Variants in LRMDA observed in about 807,000 individuals in gnomAD.
The protein encoded by LRMDA is leucine rich melanocyte differentiation associated.
In LRMDA, 18 loss-of-function variants were observed where a neutral mutation model predicts 29.8. The observed-to-expected ratio is 0.60, with a 90% CI of 0.42 to 0.90. LRMDA has a LOEUF of 0.90. Among genes scored for constraint, LRMDA ranks in the 40% least tolerant of loss-of-function variants. LRMDA has a pLI of 0.00. For synonymous variants in LRMDA, 125 were observed against 109.4 expected, an observed-to-expected ratio of 1.14 and a Z score of -0.89; for missense variants, 273 against 273.9, an observed-to-expected ratio of 1.00 and a Z score of 0.02.
chr10:76,393,599 C>A (rs1356152510), intron 6 of LRMDA, among the ~76,000 whole-genome samples: 19 of 152,042 alleles, frequency 1.2e-4, no homozygotes, highest in Admixed American at 1.2e-3. Context: ...TATTTTCTCC[C>A]ATTCTGTAGG....
At chr10:75,519,848 T>C (rs1349257559) in intron 2 of LRMDA, among the ~76,000 whole-genome samples, 1 of 152,242 alleles carries the variant, frequency 6.6e-6, no homozygotes, top group African/African-American at 2.4e-5. Flanking sequence ...TAGTGCTTCC[T>C]TCAGGAGCTC....
chr10:75,589,208 G>T (rs1840691486), intron 2 of LRMDA, among the ~76,000 whole-genome samples: 1 of 152,148 alleles, frequency 6.6e-6, no homozygotes, highest in East Asian at 1.9e-4. Context: ...GAACTAATTT[G>T]TACTCTCACC....
At chr10:76,478,040 A>C (rs1348915590) in intron 6 of LRMDA, among the ~76,000 whole-genome samples, 6 of 152,206 alleles carry the variant, frequency 3.9e-5, no homozygotes, top group Non-Finnish European at 7.3e-5. Context: ...ACAAAAGCCA[A>C]AATTGAGAAA....
intron 2 of LRMDA, among the ~76,000 whole-genome samples, chr10:75,827,428 C>G (rs1002155433): frequency 6.6e-6 from 1 of 152,162 alleles, no homozygotes; most frequent in Non-Finnish European, 1.5e-5. Flanking sequence ...AATTGCCATC[C>G]TCTGTTTGTA....
chr10:76,168,657 G>A (rs1251638597), intron 5 of LRMDA, among the ~76,000 whole-genome samples: 1 of 151,774 alleles, frequency 6.6e-6, no homozygotes, highest in Non-Finnish European at 1.5e-5. Context: ...GAAACTGTAT[G>A]ATGAGTAGAT....
intron 2 of LRMDA, among the ~76,000 whole-genome samples, chr10:75,625,962 C>G (rs920008226): frequency 6.6e-6 from 1 of 151,984 alleles, no homozygotes; most frequent in African/African-American, 2.4e-5. Context: ...AGTGATCCTC[C>G]TGCCTCAGCC....
chr10:76,235,996 T>C (rs1852145390), intron 5 of LRMDA, among the ~76,000 whole-genome samples: 1 of 152,140 alleles, frequency 6.6e-6, no homozygotes, highest in South Asian at 2.1e-4. Flanking sequence ...GTACATTCTG[T>C]TTGGCGAGCC....
intron 2 of LRMDA, among the ~76,000 whole-genome samples, chr10:75,886,185 T>A (rs894984530): frequency 2.6e-4 from 40 of 152,360 alleles, no homozygotes; most frequent in South Asian, 4.1e-4. Context: ...GTTTCTAGTG[T>A]ATGACTAGGT....
chr10:76,494,778 C>T (rs1159325623), intron 6 of LRMDA, among the ~76,000 whole-genome samples: 1 of 151,514 alleles, frequency 6.6e-6, no homozygotes, highest in African/African-American at 2.4e-5. Context: ...TTGTTGCATC[C>T]CACAATTTTG....
intron 2 of LRMDA, among the ~76,000 whole-genome samples, chr10:75,558,822 A>G (rs1258315355): frequency 3.1e-4 from 45 of 144,138 alleles, no homozygotes; most frequent in African/African-American, 1.1e-3. Flanking sequence ...GAGAATGATG[A>G]TTTCCAATTT....
At chr10:75,596,801 A>G (rs907764544) in intron 2 of LRMDA, among the ~76,000 whole-genome samples, 2 of 152,216 alleles carry the variant, frequency 1.3e-5, no homozygotes, top group African/African-American at 2.4e-5. Context: ...GGGATTCTAT[A>G]TCCTTTAACA....
At chr10:75,481,096 A>T (rs1844851474) in intron 2 of LRMDA, among the ~76,000 whole-genome samples, 1 of 152,126 alleles carries the variant, frequency 6.6e-6, no homozygotes, top group Non-Finnish European at 1.5e-5. Context: ...TCCATGTGGA[A>T]ATGTCCAGGA....
intron 2 of LRMDA, among the ~76,000 whole-genome samples, chr10:75,460,094 A>C (rs1057471579): frequency 6.6e-6 from 1 of 152,224 alleles, no homozygotes; most frequent in African/African-American, 2.4e-5. Context: ...TTTGGGTTTG[A>C]GTGTGCAATA....
At chr10:75,439,142 C>T (rs1389989111) in intron 2 of LRMDA, among the ~76,000 whole-genome samples, 2 of 152,138 alleles carry the variant, frequency 1.3e-5, no homozygotes, top group African/African-American at 4.8e-5. Context: ...GCAGTTATTT[C>T]CTTTCTCCCT....
intron 5 of LRMDA, among the ~76,000 whole-genome samples, chr10:76,233,448 G>A (rs995661142): frequency 1.3e-5 from 2 of 152,196 alleles, no homozygotes; most frequent in Admixed American, 1.3e-4. Context: ...TGTTGCTGAA[G>A]GTTGGGATGG....
chr10:75,976,813 T>G (rs1847079797), intron 2 of LRMDA, among the ~76,000 whole-genome samples: 1 of 152,212 alleles, frequency 6.6e-6, no homozygotes, highest in Non-Finnish European at 1.5e-5. Flanking sequence ...AGAGTCTGGA[T>G]TCAAGGCTCC....
chr10:76,135,222 C>G (rs1850071905), intron 5 of LRMDA, among the ~76,000 whole-genome samples: 1 of 152,182 alleles, frequency 6.6e-6, no homozygotes, highest in Admixed American at 6.5e-5. Context: ...CACAAATGTG[C>G]TAGCGTTGGC....
At chr10:75,971,360 G>A (rs1391519731) in intron 2 of LRMDA, among the ~76,000 whole-genome samples, 1 of 152,102 alleles carries the variant, frequency 6.6e-6, no homozygotes, top group Admixed American at 6.5e-5. Context: ...AGGTGTTAAG[G>A]GTTTATGTAG....
In LRMDA at chr10:76,262,586, C is replaced by T. The variant is rs527244084; in HGVS notation, c.517-61815C>T. On this transcript the variant is annotated intron_variant, in intron 5 of 6. Transcript: ENST00000611255. Reference sequence around the variant, plus strand: ...AACTCTCTGGCATATATGTGTTCGGCACCTACATCTTCTCTGATTGGTCCT... The same window carrying T: ...AACTCTCTGGCATATATGTGTTCGGTACCTACATCTTCTCTGATTGGTCCT... 2.0e-5 allele frequency among the ~76,000 whole-genome samples: 3 copies of T among 152,328 alleles called. No homozygotes were observed. In the East Asian group the frequency reaches 5.8e-4, roughly 29 times the overall value.
Sources: gnomAD v4.1 joint callset for allele counts (sites outside exome capture counted in the v4.1 genomes callset) on GRCh38, gnomAD v4.1.1 for gene constraint, MANE v1.5 for transcripts, NCBI Gene and HGNC (gene_info 2026-07-23, HGNC 2026-07-21) for gene names.